Variants in CYP19A1 observed in about 807,000 individuals in gnomAD.
CYP19A1 encodes aromatase.
Under a neutral mutation model 44.4 loss-of-function variants are expected in CYP19A1, and 32 were observed. The observed-to-expected ratio is 0.72, with a 90% CI of 0.54 to 0.97. CYP19A1 has a LOEUF of 0.97. Among genes scored for constraint, CYP19A1 ranks in the 50% least tolerant of loss-of-function variants. The pLI is 0.00. For synonymous variants in CYP19A1, 212 were observed against 215.6 expected (o/e 0.98, Z 0.14); for missense variants, 598 against 637.8 (o/e 0.94, Z 0.67).
chr15:51,322,326 C>A (rs1280763509), intron 1 of CYP19A1, among the ~76,000 whole-genome samples: 1 of 152,252 alleles, frequency 6.6e-6, no homozygotes, highest in Non-Finnish European at 1.5e-5. Context: ...GAGGCTTTCG[C>A]CTGAACTGTG....
intron 1 of CYP19A1, among the ~76,000 whole-genome samples, chr15:51,287,173 T>G (rs2035723812): frequency 6.6e-6 from 1 of 152,138 alleles, no homozygotes; most frequent in South Asian, 2.1e-4. Context: ...AGCAAGAAAA[T>G]TTATTAGTCC....
At chr15:51,258,198 T>C (rs567287206) in intron 1 of CYP19A1, among the ~76,000 whole-genome samples, 6 of 152,288 alleles carry the variant, frequency 3.9e-5, no homozygotes, top group African/African-American at 1.2e-4. Flanking sequence ...CCCTACCTAC[T>C]TGCAAAGGAC....
chr15:51,293,845 T>G (rs926011358), intron 1 of CYP19A1: 1 of 185,646 alleles, frequency 5.4e-6, no homozygotes, highest in African/African-American at 2.4e-5. Context: ...AGACGGAGTC[T>G]CGTTCACTCA....
At chr15:51,276,975 C>T (rs1448134064) in intron 1 of CYP19A1, among the ~76,000 whole-genome samples, 1 of 149,922 alleles carries the variant, frequency 6.7e-6, no homozygotes, top group Non-Finnish European at 1.5e-5. Context: ...TGTCAGCATA[C>T]AGTTCAATTT....
chr15:51,272,838 T>C (rs902394056), intron 1 of CYP19A1, among the ~76,000 whole-genome samples: 1 of 152,196 alleles, frequency 6.6e-6, no homozygotes, highest in Non-Finnish European at 1.5e-5. Flanking sequence ...AGTTTGGCTG[T>C]GACAGTTGAG....
chr15:51,291,733 C>T (rs555483641), intron 1 of CYP19A1, among the ~76,000 whole-genome samples: 3 of 152,076 alleles, frequency 2.0e-5, no homozygotes, highest in Non-Finnish European at 4.4e-5. Flanking sequence ...TCATGGAAAC[C>T]CCACGAGTAG....
chr15:51,266,700 C>T (rs910036989), intron 1 of CYP19A1, among the ~76,000 whole-genome samples: 5 of 152,304 alleles, frequency 3.3e-5, no homozygotes, highest in South Asian at 4.1e-4. Flanking sequence ...AAAGCAGCCC[C>T]GGACCGTGTG....
chr15:51,300,686 A>G (rs952748744), intron 1 of CYP19A1, among the ~76,000 whole-genome samples: 1 of 152,202 alleles, frequency 6.6e-6, no homozygotes, highest in Admixed American at 6.5e-5. Flanking sequence ...TATACTGGGA[A>G]CCAGCCTCTC....
chr15:51,325,773 G>A (rs1289866353), intron 1 of CYP19A1, among the ~76,000 whole-genome samples: 3 of 142,432 alleles, frequency 2.1e-5, no homozygotes, highest in African/African-American at 7.8e-5. Context: ...AGGAGTCAGA[G>A]GTTGCAGTGA....
intron 1 of CYP19A1, among the ~76,000 whole-genome samples, chr15:51,289,177 T>C (rs140821914): frequency 6.6e-6 from 1 of 152,380 alleles, no homozygotes; most frequent in East Asian, 1.9e-4. Flanking sequence ...ACTCTCTCTA[T>C]GTATATATTT....
chr15:51,322,432 A>G (rs150521882), intron 1 of CYP19A1, among the ~76,000 whole-genome samples: 1 of 152,376 alleles, frequency 6.6e-6, no homozygotes, highest in Non-Finnish European at 1.5e-5. Flanking sequence ...CTATATTTAG[A>G]GAAACAAACT....
chr15:51,279,292 T>C (rs1276107785), intron 1 of CYP19A1, among the ~76,000 whole-genome samples: 1 of 152,180 alleles, frequency 6.6e-6, no homozygotes, highest in Non-Finnish European at 1.5e-5. Flanking sequence ...TGGGAGGGCA[T>C]CCTGGAATGA....
chr15:51,248,933 CTTTT>C (rs375834140), intron 1 of CYP19A1, among the ~76,000 whole-genome samples: 1 of 140,378 alleles, frequency 7.1e-6, no homozygotes, highest in African/African-American at 2.6e-5. Flanking sequence ...TCAAATTCAT[CTTTT>C]TTTTTTTTTT....
At chr15:51,298,996 T>G (rs1213609672) in intron 1 of CYP19A1, among the ~76,000 whole-genome samples, 1 of 152,238 alleles carries the variant, frequency 6.6e-6, no homozygotes, top group Admixed American at 6.5e-5. Flanking sequence ...GCACCCCATC[T>G]GCCACCCCCA....
intron 1 of CYP19A1, among the ~76,000 whole-genome samples, chr15:51,248,663 C>G (rs2034171295): frequency 6.6e-6 from 1 of 152,234 alleles, no homozygotes; most frequent in East Asian, 1.9e-4. Flanking sequence ...GTGTCTCTCT[C>G]TTTCAGAACT....
At position 51,333,706 on chromosome 15, in the gene CYP19A1, C is replaced by T. The variant is rs140291864; in HGVS notation, c.-39+4789G>A. 5.3e-5 allele frequency among the ~76,000 whole-genome samples: 8 copies of T among 152,272 alleles called. No homozygotes were observed. In the East Asian group the frequency reaches 1.5e-3, roughly 29 times the overall value. On this transcript the variant is annotated intron_variant, in intron 1 of 9. Coordinates refer to ENST00000396402, the MANE Select transcript of CYP19A1 (RefSeq NM_000103.4). The stretch of plus-strand genomic sequence containing the variant: ...AGTCTTGGCAATAAAAGGTAAGCTT[C>T]TCTTAGCCGGGGCCACTCCTCTGGT...
intron 6 of CYP19A1, among the ~76,000 whole-genome samples, chr15:51,216,320 C>T (rs549166114): frequency 6.6e-6 from 1 of 152,284 alleles, no homozygotes; most frequent in African/African-American, 2.4e-5. Flanking sequence ...GGCATGATCT[C>T]AGCCCACTGC....
At position 51,293,846 on chromosome 15, in the gene CYP19A1, C is replaced by T. The variant is rs376175024; in HGVS notation, c.-39+44649G>A. 2.3e-4 allele frequency: 43 copies of T among 186,782 alleles called. No homozygotes were observed. In the South Asian group the frequency reaches 3.4e-3, roughly 15 times the overall value. 11.6% of individuals were successfully genotyped at this position (186,782 alleles called of 1,614,324 possible). On this transcript the variant is annotated intron_variant, in intron 1 of 9. Transcript: ENST00000396402. ...GGTGCCGGGATTGCAGACGGAGTCTCGTTCACTCACTGCTCAATGGTGCCC... is the reference window on the plus strand; with the variant it reads ...GGTGCCGGGATTGCAGACGGAGTCTTGTTCACTCACTGCTCAATGGTGCCC...
At chr15:51,262,895 C>A (rs1169444191) in intron 1 of CYP19A1, among the ~76,000 whole-genome samples, 1 of 152,152 alleles carries the variant, frequency 6.6e-6, no homozygotes, top group East Asian at 1.9e-4. Flanking sequence ...TGCTTGCACT[C>A]CTGGAGCCTA....
Sources: gnomAD v4.1 joint callset for allele counts (sites outside exome capture counted in the v4.1 genomes callset) on GRCh38, gnomAD v4.1.1 for gene constraint, MANE v1.5 for transcripts, NCBI Gene and HGNC (gene_info 2026-07-23, HGNC 2026-07-21) for gene names.